LIMA1: variants seen among roughly 807,000 people sequenced by gnomAD.
LIMA1 encodes the protein LIM domain and actin-binding protein 1.
LIMA1 carries 52 observed loss-of-function variants against 62.6 expected under a neutral mutation model. The ratio of observed to expected loss-of-function variants is 0.83; its 90% CI spans 0.67 to 1.05. The LOEUF is 1.05. LIMA1 is among the 50% of genes least tolerant of loss of function. LIMA1 has a pLI of 0.00. For synonymous variants in LIMA1, 302 were observed against 317.8 expected, an observed-to-expected ratio of 0.95 and a Z score of 0.53; for missense variants, 780 against 902.2, an observed-to-expected ratio of 0.86 and a Z score of 1.74.
At chr12:50,229,787 C>A in intron 3 of LIMA1, 1 of 152,348 alleles carries the variant, frequency 6.6e-6, no homozygotes, top group Non-Finnish European at 1.5e-5. Context: ...AGTTAAAGCC[C>A]AGGTCTTTAC....
intron 9 of LIMA1, chr12:50,191,377 A>AG (rs1940767331): frequency 6.6e-6 from 1 of 150,380 alleles, no homozygotes; most frequent in Admixed American, 6.7e-5. Flanking sequence ...AAAAAAAAAA[A>AG]AAGCCAGGCA....
intron 1 of LIMA1, among the ~76,000 whole-genome samples, chr12:50,277,591 T>A (rs1182492630): frequency 6.6e-6 from 1 of 152,180 alleles, no homozygotes; most frequent in African/African-American, 2.4e-5. Flanking sequence ...GATTGGTTGA[T>A]GACAACATTA....
At chr12:50,275,525 C>T (rs992413475) in intron 1 of LIMA1, among the ~76,000 whole-genome samples, 2 of 151,852 alleles carry the variant, frequency 1.3e-5, no homozygotes, top group Non-Finnish European at 2.9e-5. Flanking sequence ...AGAAATGAAG[C>T]AAAAATCAAG....
intron 6 of LIMA1, chr12:50,201,973 T>A (rs967735878): frequency 1.3e-5 from 2 of 152,220 alleles, no homozygotes; most frequent in Non-Finnish European, 2.9e-5. Flanking sequence ...ATTAGTCTGC[T>A]AATAATGTAG....
intron 2 of LIMA1, among the ~76,000 whole-genome samples, chr12:50,245,999 C>T (rs7974834): frequency 0.26 from 40,025 of 151,484 alleles, 6,012 homozygotes; most frequent in East Asian, 0.64. Context: ...TTTGGGAGGT[C>T]GAGGTGGGCA....
chr12:50,210,851 A>T (rs762372005), intron 4 of LIMA1, among the ~76,000 whole-genome samples: 1 of 152,202 alleles, frequency 6.6e-6, no homozygotes, highest in Admixed American at 6.5e-5. Flanking sequence ...GAACAAAGCC[A>T]TTTGGTCTCA....
intron 4 of LIMA1, among the ~76,000 whole-genome samples, chr12:50,213,506 T>C (rs1941293120): frequency 6.6e-6 from 1 of 152,282 alleles, no homozygotes; most frequent in African/African-American, 2.4e-5. Flanking sequence ...ATTGTAAAGT[T>C]CTAACTGACT....
At chr12:50,232,782 T>C (rs1364725670) in intron 2 of LIMA1, among the ~76,000 whole-genome samples, 1 of 151,452 alleles carries the variant, frequency 6.6e-6, no homozygotes, top group African/African-American at 2.4e-5. Flanking sequence ...AGGTCAGGAG[T>C]TCAAGACCAG....
At chr12:50,231,921 C>T (rs1941617452) in intron 2 of LIMA1, among the ~76,000 whole-genome samples, 1 of 152,042 alleles carries the variant, frequency 6.6e-6, no homozygotes, top group South Asian at 2.1e-4. Context: ...GCACCCACCA[C>T]CATGCCCAGC....
intron 10 of LIMA1, among the ~76,000 whole-genome samples, chr12:50,179,570 TG>T (rs1328379448): frequency 2.0e-5 from 3 of 150,572 alleles, no homozygotes; most frequent in African/African-American, 7.3e-5. Context: ...CCCGAGTAGC[TG>T]GGACTACAGG....
At chr12:50,184,299 G>T (rs989752985) in intron 9 of LIMA1, among the ~76,000 whole-genome samples, 1 of 152,160 alleles carries the variant, frequency 6.6e-6, no homozygotes, top group African/African-American at 2.4e-5. Flanking sequence ...AGATATCTTT[G>T]CAGAGTTTTA....
At chr12:50,254,222 C>T (rs1941965444) in intron 1 of LIMA1, among the ~76,000 whole-genome samples, 1 of 151,928 alleles carries the variant, frequency 6.6e-6, no homozygotes, top group Non-Finnish European at 1.5e-5. Flanking sequence ...TTAAAGGAAA[C>T]ATATAACAAA....
intron 7 of LIMA1, chr12:50,196,122 C>T: frequency 2.3e-6 from 1 of 440,864 alleles, no homozygotes; most frequent in Non-Finnish European, 4.0e-6. Flanking sequence ...AAACAGACTG[C>T]ACTCAACTGC....
intron 9 of LIMA1, among the ~76,000 whole-genome samples, chr12:50,183,810 CAAAAAAAAAAA>C (rs34778877): frequency 1.2e-3 from 70 of 56,464 alleles, no homozygotes; most frequent in Admixed American, 6.2e-3. Flanking sequence ...GACTTGGTCT[CAAAAAAAAAAA>C]AAAAAAAAAA....
intron 1 of LIMA1, among the ~76,000 whole-genome samples, chr12:50,268,842 A>G (rs1942170710): frequency 1.3e-5 from 2 of 152,336 alleles, no homozygotes; most frequent in South Asian, 4.1e-4. Context: ...TAGAGCTAGG[A>G]TTTGAAACAA....
intron 1 of LIMA1, among the ~76,000 whole-genome samples, chr12:50,272,015 T>G (rs771796621): frequency 6.6e-6 from 1 of 152,206 alleles, no homozygotes; most frequent in Non-Finnish European, 1.5e-5. Context: ...AGGCTCCTTC[T>G]GTTAAAGATA....
At chr12:50,187,047 A>T (rs1940647109) in intron 9 of LIMA1, 1 of 152,188 alleles carries the variant, frequency 6.6e-6, no homozygotes, top group Non-Finnish European at 1.5e-5. Context: ...TCTTCAGGAT[A>T]TTCTAGAGTG....
intron 1 of LIMA1, among the ~76,000 whole-genome samples, chr12:50,266,234 T>C (rs1034099958): frequency 2.6e-5 from 4 of 152,214 alleles, no homozygotes; most frequent in Non-Finnish European, 5.9e-5. Flanking sequence ...GTCACTGTAC[T>C]AAGCACTCTA....
intron 4 of LIMA1, among the ~76,000 whole-genome samples, chr12:50,214,582 G>A (rs1005043843): frequency 6.6e-6 from 1 of 152,228 alleles, no homozygotes; most frequent in Non-Finnish European, 1.5e-5. Flanking sequence ...GCCAAGGTGG[G>A]GGGATCACAA....
Sources: gnomAD v4.1 joint callset for allele counts (sites outside exome capture counted in the v4.1 genomes callset) on GRCh38, gnomAD v4.1.1 for gene constraint, MANE v1.5 for transcripts, NCBI Gene and HGNC (gene_info 2026-07-23, HGNC 2026-07-21) for gene names.